Variants in RNF213 observed in about 807,000 individuals in gnomAD.
RNF213 encodes the protein ring finger protein 213, also known as E3 ubiquitin-protein ligase RNF213.
RNF213 carries 341 observed loss-of-function variants against 514.4 expected under a neutral mutation model. That is an observed-to-expected ratio of 0.66 (90% CI 0.61 to 0.73). The LOEUF (loss-of-function observed/expected upper bound fraction) is 0.73. Among genes scored for constraint, RNF213 ranks in the 30% least tolerant of loss-of-function variants. The pLI, the probability that RNF213 is intolerant of heterozygous loss-of-function variation, is 0.00. For synonymous variants in RNF213, 2,655 were observed against 2,658.2 expected (o/e 1.00, Z 0.04); for missense variants, 5,767 against 6,615.6 (o/e 0.87, Z 4.45).
At chr17:80,350,177 G>T (rs899138107) in intron 30 of RNF213, 124 bp from the exon 31 acceptor site, 2 of 787,076 alleles carry the variant, frequency 2.5e-6, no homozygotes, top group African/African-American at 1.7e-5. Flanking sequence ...TGTTCTTACT[G>T]AAGAAAATCC....
rs1328080123 is a variant in RNF213, at chr17:80,337,864, T to G, written c.4700T>G (p.Leu1567Arg). The G allele has an allele frequency of 7.2e-6, 11 of 1,537,196 alleles. No individual in the cohort carries two copies. Among genetic ancestry groups the G allele is most frequent in the Non-Finnish European group, 9.6e-6 (11 of 1,146,932 alleles). ...CCAGACACGGTTCTGCACTTGATCC[T>G]TCCTGAGAGCCCTGGCAGCCACGAG... is the stretch of plus-strand genomic sequence containing the variant. ...ISPDTVLHLI[L>R]PESPGSHEES... is the part of the protein sequence containing the mutation. Residue 1567 changes from leucine to arginine, a missense_variant, in exon 25 of 68, where the codon CTT becomes CGT. Leu to Arg is a moderately radical substitution (Grantham distance 102). Coordinates refer to ENST00000582970, the MANE Select transcript of RNF213 (RefSeq NM_001256071.3).
chr17:80,382,723 A>G (rs988467593), intron 57 of RNF213: 2 of 402,488 alleles, frequency 5.0e-6, no homozygotes, highest in Non-Finnish European at 9.4e-6. Flanking sequence ...CTGTTCTTTC[A>G]GTAATTTTTT....
Position 80,298,519 on chromosome 17 carries a change from G to GTAAGT in RNF213, c.2210+2_2210+6dup, listed in dbSNP as rs771195797. The stretch of plus-strand genomic sequence containing the variant: ...CGTTCCGGGAACAAATGCTAGATAC[G>GTAAGT]TAAGTCGTAGAGTTGTGCTTATCTA... On this transcript the variant is annotated splice_donor_variant, in intron 11 of 67. Transcript: ENST00000582970. LOFTEE classifies it high-confidence loss of function. 2 of 1,614,154 alleles carry GTAAGT rather than the reference G, an allele frequency of 1.2e-6. No individual in the cohort carries two copies. The highest frequency in any genetic ancestry group is 1.7e-6 in the Non-Finnish European group (2 of 1,180,042).
At position 80,288,132 on chromosome 17, in the gene RNF213, C is replaced by T. The variant is rs748021061; in HGVS notation, c.579C>T (p.Ser193=). 1.2e-6 allele frequency: 2 copies of T among 1,609,488 alleles called. No homozygotes were observed. The highest frequency in any genetic ancestry group is 1.7e-6 in the Non-Finnish European group (2 of 1,177,184). The change falls in exon 4 of 68, where the codon AGC becomes AGT. Residue 193 remains serine (S), a synonymous_variant. Transcript: ENST00000582970. The surrounding 1 kb of genome is among the most constrained non-coding windows in gnomAD (Gnocchi z 4.9). ...CCACAGGAAGTGAGGCTCAGAGCAG[C>T]CCGCAATTCCAGGACCACACGGAAG... ...GVATGSEAQS[S]PQFQDHTEGE... is the part of the protein sequence containing the mutation.
At chr17:80,355,792 A>G (rs2078786180) in intron 36 of RNF213, among the ~76,000 whole-genome samples, 1 of 132,736 alleles carries the variant, frequency 7.5e-6, no homozygotes, top group Non-Finnish European at 1.6e-5. Context: ...ATGGAGGAAA[A>G]AGCGGGGTGA....
Position 80,343,294 on chromosome 17 carries a change from C to T in RNF213, c.6152C>T (p.Pro2051Leu). The T allele has an allele frequency of 6.2e-7, 1 of 1,613,066 alleles. No homozygotes were observed. The highest frequency in any genetic ancestry group is 8.5e-7 in the Non-Finnish European group (1 of 1,179,806). Residue 2051 changes from proline to leucine, a missense_variant, in exon 27 of 68, where the codon CCC becomes CTC. By Grantham distance (98) the Pro-to-Leu change is moderately conservative. Around this residue, in one of 13 missense-constraint regions of RNF213, gnomAD observed 1,377 missense variants for 1,635.2 expected, o/e 0.84. Transcript: ENST00000582970. This position sits in a 1 kb window ranked among gnomAD's most constrained non-coding sequence, Gnocchi z 4.3. ...CTGGATGCGCAGTATCAGAAGGTCC[C>T]CGTGCTCTTTCACCTGGACGTGACC... ...PFLDAQYQKV[P>L]VLFHLDVTSS...
At chr17:80,348,932 G>T (rs555695513) in intron 29 of RNF213, among the ~76,000 whole-genome samples, 3 of 152,318 alleles carry the variant, frequency 2.0e-5, no homozygotes. Flanking sequence ...GCGGGCACTG[G>T]AGGCACGCTT....
chr17:80,267,404 C>T (rs1295631032), intron 2 of RNF213, among the ~76,000 whole-genome samples: 1 of 152,094 alleles, frequency 6.6e-6, no homozygotes, highest in Non-Finnish European at 1.5e-5. Context: ...GATCACGCCA[C>T]TGCACTCCAG....
At chr17:80,364,837 C>A (rs1041046329) in intron 42 of RNF213, 5 of 418,930 alleles carry the variant, frequency 1.2e-5, no homozygotes, top group Non-Finnish European at 2.2e-5. Flanking sequence ...CTTGTGAAAC[C>A]TTCGGCAGGG....
chr17:80,319,148 G>A, intron 16 of RNF213, 42 bp from the exon 17 acceptor site: 1 of 1,614,082 alleles, frequency 6.2e-7, no homozygotes. Flanking sequence ...CTGGAGCGCT[G>A]CATCCGAAAG....
intron 57 of RNF213, chr17:80,382,473 C>G (rs2080058689): frequency 6.2e-6 from 1 of 160,026 alleles, no homozygotes; most frequent in African/African-American, 2.4e-5. Flanking sequence ...TTGCCTGAAA[C>G]TGGCATTCCT....
chr17:80,352,917 G>T (rs1390730725), intron 32 of RNF213, 23 bp from the exon 33 acceptor site: 4 of 1,613,934 alleles, frequency 2.5e-6, no homozygotes, highest in Non-Finnish European at 3.4e-6. Context: ...AAAGACAGTT[G>T]TGGGTGGCTT....
At chr17:80,290,315 G>A (rs1225047406) in intron 6 of RNF213, among the ~76,000 whole-genome samples, 3 of 152,136 alleles carry the variant, frequency 2.0e-5, no homozygotes, top group Non-Finnish European at 2.9e-5. Context: ...GTGTGTGCGT[G>A]TGCGTTCACG....
At chr17:80,327,717 T>TG (rs2046316072) in intron 18 of RNF213, 99 bp from the exon 19 acceptor site, 2 of 1,019,088 alleles carry the variant, frequency 2.0e-6, no homozygotes, top group African/African-American at 3.2e-5. Flanking sequence ...TTTGAGGAAG[T>TG]GGGGGCAGAA....
intron 1 of RNF213, among the ~76,000 whole-genome samples, chr17:80,261,868 T>C (rs1375369020): frequency 2.0e-5 from 3 of 152,074 alleles, no homozygotes; most frequent in Non-Finnish European, 2.9e-5. Flanking sequence ...ACACAAAAAA[T>C]TAGCCGGGTG....
In RNF213 at chr17:80,332,217, G is replaced by T. The variant is rs760014106; in HGVS notation, c.3729G>T (p.Pro1243=). The stretch of plus-strand genomic sequence containing the variant: ...TCTTCTGGCGGGAAGCCGCAGAGCC[G>T]CTGAGTGAGCCTAAGGAGGACCAGG... The part of the protein sequence containing the change: ...FQLFWREAAE[P]LSEPKEDQEA... Residue 1243 remains proline, a synonymous_variant, in exon 21 of 68, where the codon CCG becomes CCT. Transcript: ENST00000582970. 1.3e-6 allele frequency: 2 copies of T among 1,537,084 alleles called. No homozygotes were observed. Among genetic ancestry groups the T allele is most frequent in the African/African-American group, 1.4e-5 (1 of 73,046 alleles).
chr17:80,288,343 G>T lies in RNF213; in HGVS notation c.790G>T (p.Ala264Ser). 1.2e-6 allele frequency: 2 copies of T among 1,612,584 alleles called. No individual in the cohort carries two copies. The highest frequency in any genetic ancestry group is 8.5e-7 in the Non-Finnish European group (1 of 1,180,002). ...AGAACTGCAGACCACCGAGCAACAGGCAGGGGCCTCAGCCTCTATGGTGAG... is the reference window on the plus strand; with the variant it reads ...AGAACTGCAGACCACCGAGCAACAGTCAGGGGCCTCAGCCTCTATGGTGAG... ...GTELQTTEQQ[A>S]GASASMAVDA... Residue 264 changes from alanine to serine, a missense_variant, in exon 4 of 68, where the codon GCA (alanine) becomes TCA (serine). This residue lies in a region of RNF213 where 509 missense variants were observed against 496.7 expected (regional missense o/e 1.02). Coordinates refer to ENST00000582970, the MANE Select transcript of RNF213 (RefSeq NM_001256071.3). The surrounding 1 kb of genome is among the most constrained non-coding windows in gnomAD (Gnocchi z 4.9).
Position 80,264,879 on chromosome 17 carries a change from G to T in RNF213, c.97+1101G>T, listed in dbSNP as rs1170504363. On this transcript the variant is annotated intron_variant, in intron 2 of 67. Coordinates refer to ENST00000582970, the MANE Select transcript of RNF213 (RefSeq NM_001256071.3). This position sits in a 1 kb window ranked among gnomAD's most constrained non-coding sequence, Gnocchi z 5.0. Reference sequence around the variant, plus strand: ...GCCCACCACCTTCTGGCCCTTCCTGGATACACCAGGTGTGCTTCCACCGCA... The same window carrying T: ...GCCCACCACCTTCTGGCCCTTCCTGTATACACCAGGTGTGCTTCCACCGCA... 6.6e-6 allele frequency among the ~76,000 whole-genome samples: 1 copy of T among 151,938 alleles called. No homozygotes were observed. The highest frequency in any genetic ancestry group is 6.6e-5 in the Admixed American group (1 of 15,234).
At chr17:80,355,341 AG>A in intron 36 of RNF213, 1 of 364,558 alleles carries the variant, frequency 2.7e-6, no homozygotes, top group Non-Finnish European at 5.5e-6. Context: ...GGGGGCTTAC[AG>A]GGGAAGAAGC....
Sources: allele counts gnomAD v4.1 joint callset (sites outside exome capture counted in the v4.1 genomes callset), GRCh38; gene constraint gnomAD v4.1.1; regional missense constraint gnomAD v4.1.1; non-coding constraint Gnocchi (gnomAD v3.1); transcripts MANE v1.5; gene names NCBI Gene and HGNC (gene_info 2026-07-23, HGNC 2026-07-21).